The following PEX5L variants were observed in gnomAD, a reference collection of about 807,000 sequenced individuals.
The protein encoded by PEX5L is PEX5-related protein.
PEX5L carries 30 observed loss-of-function variants against 84.0 expected under a neutral mutation model. That is an observed-to-expected ratio of 0.36 (90% CI 0.27 to 0.48). PEX5L has a LOEUF of 0.48. Among genes scored for constraint, PEX5L ranks in the 20% least tolerant of loss-of-function variants. PEX5L has a pLI of 0.99. For synonymous variants in PEX5L, 270 were observed against 283.1 expected (o/e 0.95, Z 0.46); for missense variants, 533 against 754.6 (o/e 0.71, Z 3.44).
Position 179,887,690 on chromosome 3 carries a change from A to T in PEX5L, c.293T>A (p.Val98Glu). The change falls in exon 4 of 15, where the codon GTA becomes GAA. Residue 98 changes from valine to glutamate, a missense_variant. By Grantham distance (121) the Val-to-Glu change is moderately radical (BLOSUM62 -2). Transcript: ENST00000467460. The part of the protein sequence containing the change: ...ETKSEAIARP[V>E]TSNTAVLTTG... ...AGAATTACCAGCTGTATTGGATGTT[A>T]CTGGCCTTGCTATTGCTTCCGATTT... 6.2e-7 allele frequency: 1 copy of T among 1,608,098 alleles called. No individual in the cohort carries two copies. Among genetic ancestry groups the T allele is most frequent in the East Asian group, 2.2e-5 (1 of 44,846 alleles).
chr3:180,018,750 C>T, intron 1 of PEX5L, among the ~76,000 whole-genome samples: 1 of 152,266 alleles, frequency 6.6e-6, no homozygotes, highest in South Asian at 2.1e-4. Context: ...TCACACGAAG[C>T]CTTTCACCCA....
intron 7 of PEX5L, among the ~76,000 whole-genome samples, chr3:179,874,019 T>A (rs1475354025): frequency 6.6e-6 from 1 of 151,854 alleles, no homozygotes; most frequent in Admixed American, 6.6e-5. Context: ...AATAATAGAG[T>A]AGAACAGATT....
intron 1 of PEX5L, among the ~76,000 whole-genome samples, chr3:179,994,143 T>C (rs1222552403): frequency 6.6e-6 from 1 of 152,232 alleles, no homozygotes; most frequent in Non-Finnish European, 1.5e-5. Flanking sequence ...ATCAGTTTGC[T>C]GTTGTCCAGC....
intron 3 of PEX5L, among the ~76,000 whole-genome samples, chr3:179,889,250 G>A (rs973406715): frequency 6.6e-6 from 1 of 152,176 alleles, no homozygotes; most frequent in African/African-American, 2.4e-5. Context: ...AGAGCTGATG[G>A]AAGGTGGCAG....
At chr3:179,902,789 C>A (rs1317738131) in intron 2 of PEX5L, 3 of 391,208 alleles carry the variant, frequency 7.7e-6, no homozygotes, top group Non-Finnish European at 1.5e-5. Context: ...AACTTATTTT[C>A]ATTATTTTTA....
intron 1 of PEX5L, among the ~76,000 whole-genome samples, chr3:179,985,583 C>T (rs1786736952): frequency 6.6e-6 from 1 of 152,002 alleles, no homozygotes; most frequent in Non-Finnish European, 1.5e-5. Flanking sequence ...CACTTCTTCC[C>T]TGTCCTGAGC....
chr3:179,833,624 C>CA (rs1453439828), intron 8 of PEX5L, among the ~76,000 whole-genome samples: 1 of 152,176 alleles, frequency 6.6e-6, no homozygotes, highest in East Asian at 1.9e-4. Flanking sequence ...TCAGTGATTC[C>CA]ACTCTCAGCC....
chr3:179,830,302 T>A (rs1300816363), intron 8 of PEX5L, among the ~76,000 whole-genome samples: 1 of 140,018 alleles, frequency 7.1e-6, no homozygotes, highest in Non-Finnish European at 1.5e-5. Flanking sequence ...CCCTTTTTTT[T>A]ATGACTACCT....
intron 3 of PEX5L, among the ~76,000 whole-genome samples, chr3:179,894,859 C>T (rs747590106): frequency 2.5e-4 from 38 of 151,964 alleles, no homozygotes; most frequent in Admixed American, 3.9e-4. Flanking sequence ...CTATACCTTG[C>T]TAAAAAAGTA....
intron 9 of PEX5L, among the ~76,000 whole-genome samples, chr3:179,816,856 T>C (rs898461557): frequency 1.3e-5 from 2 of 152,138 alleles, no homozygotes; most frequent in Non-Finnish European, 2.9e-5. Flanking sequence ...TAGATAATAC[T>C]AAATAATATA....
chr3:179,797,767 G>A lies in PEX5L; in HGVS notation c.*4061C>T, dbSNP rs1216142398. 2.0e-5 allele frequency: 3 copies of A among 151,778 alleles called. No individual in the cohort carries two copies. Among genetic ancestry groups the A allele is most frequent in the Non-Finnish European group, 4.4e-5 (3 of 67,956 alleles). The allele number at this position is 151,778 out of a possible 1,614,324, so 9.4% of individuals were successfully genotyped here. A position where few individuals can be genotyped will look rare whatever the true frequency, so the allele number is the denominator to read the frequency against. ...CAAGGTTGAAATCATAAGTGTGCAC[G>A]TGTAATAATTTCTAAAATAAGAGGG... On this transcript the variant is annotated 3_prime_UTR_variant, in exon 15 of 15. Transcript: ENST00000467460.
At chr3:179,864,036 C>T (rs1007800025) in intron 7 of PEX5L, among the ~76,000 whole-genome samples, 2 of 152,042 alleles carry the variant, frequency 1.3e-5, no homozygotes, top group African/African-American at 4.8e-5. Flanking sequence ...CTGCTGCCAT[C>T]CATGTAAGAT....
intron 1 of PEX5L, among the ~76,000 whole-genome samples, chr3:179,972,738 C>A (rs1008483373): frequency 3.3e-5 from 5 of 152,102 alleles, no homozygotes; most frequent in African/African-American, 1.2e-4. Context: ...GAGCACAATT[C>A]TTATTTTTTC....
At chr3:179,878,582 T>C (rs906502603) in intron 5 of PEX5L, among the ~76,000 whole-genome samples, 1 of 152,208 alleles carries the variant, frequency 6.6e-6, no homozygotes, top group African/African-American at 2.4e-5. Context: ...CATCTTTCCA[T>C]GTTTATCTAT....
chr3:179,850,277 C>A (rs1476501873), intron 8 of PEX5L, among the ~76,000 whole-genome samples: 1 of 152,052 alleles, frequency 6.6e-6, no homozygotes, highest in Non-Finnish European at 1.5e-5. Context: ...CAGGCATGCA[C>A]CATCATGCCT....
chr3:179,976,472 C>T (rs1203509818), intron 1 of PEX5L, among the ~76,000 whole-genome samples: 1 of 152,008 alleles, frequency 6.6e-6, no homozygotes, highest in Non-Finnish European at 1.5e-5. Flanking sequence ...GAGTCTCGCT[C>T]TGTCGCCCAG....
At chr3:179,889,608 T>G (rs1003839457) in intron 3 of PEX5L, among the ~76,000 whole-genome samples, 1 of 152,212 alleles carries the variant, frequency 6.6e-6, no homozygotes, top group Non-Finnish European at 1.5e-5. Context: ...GTATAAAACC[T>G]CGCAGATTTT....
At chr3:179,817,678 C>A (rs1223147150) in intron 9 of PEX5L, among the ~76,000 whole-genome samples, 2 of 152,148 alleles carry the variant, frequency 1.3e-5, no homozygotes, top group African/African-American at 2.4e-5. Context: ...GTCATAAAAT[C>A]TTTTAAATTT....
intron 12 of PEX5L, among the ~76,000 whole-genome samples, chr3:179,809,039 A>G (rs1040976475): frequency 8.0e-6 from 1 of 125,198 alleles, no homozygotes; most frequent in East Asian, 2.8e-4. Flanking sequence ...GTGCCACTGC[A>G]CTCCAGCCTG....
Sources: allele counts gnomAD v4.1 joint callset (sites outside exome capture counted in the v4.1 genomes callset), GRCh38; gene constraint gnomAD v4.1.1; transcripts MANE v1.5; gene names NCBI Gene and HGNC (gene_info 2026-07-23, HGNC 2026-07-21).